FRMPD3: variants seen among roughly 807,000 people sequenced by gnomAD.
The protein encoded by FRMPD3 is FERM and PDZ domain containing 3.
In FRMPD3, 42 loss-of-function variants were observed where a neutral mutation model predicts 97.9. The ratio of observed to expected loss-of-function variants is 0.43; its 90% confidence interval spans 0.34 to 0.55. FRMPD3 has a LOEUF of 0.55. Among genes scored for constraint, FRMPD3 ranks in the 20% least tolerant of loss-of-function variants. FRMPD3 has a pLI of 0.03. For missense variants in FRMPD3, 1,303 were observed against 1,457.7 expected (o/e 0.89, Z 1.73); for synonymous variants, 577 against 581.1 (o/e 0.99, Z 0.10).
At position 107,565,428 on chromosome X, in the gene FRMPD3, T is replaced by C. The variant is rs1167299794; in HGVS notation, c.1296+362T>C. Among the ~76,000 whole-genome samples the C allele has an allele frequency of 3.6e-5, 4 of 111,883 alleles. No homozygotes were observed. In the Admixed American group the frequency reaches 3.8e-4, roughly 11 times the overall value. On this transcript the variant is annotated intron_variant, in intron 12 of 14. Transcript: ENST00000683843. ...TATATTCACAGGCCGGCATGGTGGC[T>C]CATGCCTGTAATCTCATGCTTTGGG...
intron 1 of FRMPD3, among the ~76,000 whole-genome samples, chrX:107,521,207 G>A (rs895163039): frequency 2.7e-5 from 3 of 112,453 alleles, no homozygotes; most frequent in Non-Finnish European, 5.6e-5. Context: ...GAATTTATGT[G>A]TCCACAAAAG....
At chrX:107,499,124 C>G (rs934303461) in intron 1 of FRMPD3, among the ~76,000 whole-genome samples, 16 of 111,406 alleles carry the variant, frequency 1.4e-4, no homozygotes, top group Non-Finnish European at 2.8e-4. Context: ...GACATATGTC[C>G]CACCCTGTCC....
rs761361932 is a variant in FRMPD3, at chrX:107,597,429, C to T, written c.1550C>T (p.Thr517Met). 2.8e-5 allele frequency: 34 copies of T among 1,209,076 alleles called. No individual in the cohort carries two copies. The highest frequency in any genetic ancestry group is 2.0e-4 in the Admixed American group (9 of 45,810). The change falls in exon 14 of 15, where the codon ACG (threonine) becomes ATG (methionine). Residue 517 changes from threonine to methionine, a missense_variant. Thr to Met is a moderately conservative substitution (Grantham distance 81, BLOSUM62 -1). Around this residue, in one of 3 missense-constraint regions of FRMPD3, gnomAD observed 535 missense variants for 618.6 expected, o/e 0.86. Transcript: ENST00000683843. The part of the protein sequence containing the change: ...GTSPRKSSRC[T>M]PPPADSELVS... ...AGCCCCAGGAAATCGAGCCGCTGCA[C>T]GCCCCCACCTGCCGACTCTGAGCTT...
At chrX:107,501,255 G>A (rs1279772496) in intron 1 of FRMPD3, among the ~76,000 whole-genome samples, 1 of 107,765 alleles carries the variant, frequency 9.3e-6, no homozygotes, top group Non-Finnish European at 1.9e-5. Flanking sequence ...GGAAGCTAGG[G>A]CCATAGTTCA....
chrX:107,480,964 C>G (rs764737266), intron 1 of FRMPD3, among the ~76,000 whole-genome samples: 5 of 105,633 alleles, frequency 4.7e-5, no homozygotes, highest in African/African-American at 7.0e-5. Flanking sequence ...AAGAAAGAAA[C>G]AGACATTGCT....
intron 13 of FRMPD3, among the ~76,000 whole-genome samples, chrX:107,593,184 T>C (rs1339260266): frequency 1.8e-5 from 2 of 111,944 alleles, no homozygotes; most frequent in African/African-American, 3.2e-5. Flanking sequence ...CGGCCATTTG[T>C]ATACCTTCTT....
intron 1 of FRMPD3, among the ~76,000 whole-genome samples, chrX:107,471,760 T>TA (rs1291155221): frequency 8.9e-6 from 1 of 112,365 alleles, no homozygotes; most frequent in Non-Finnish European, 1.9e-5. Context: ...GCAATAAACA[T>TA]ACGTGTGCAT....
At chrX:107,588,084 G>T (rs761410768) in intron 13 of FRMPD3, among the ~76,000 whole-genome samples, 2 of 111,375 alleles carry the variant, frequency 1.8e-5, no homozygotes, top group South Asian at 7.6e-4. Flanking sequence ...CTGGCCCCCA[G>T]TCTCTTCTGC....
chrX:107,461,479 C>G lies in FRMPD3; in HGVS notation c.-8+11474C>G, dbSNP rs189607703. ...TCACAGGTGCCCCACGAATCCACCC[C>G]CTCTTGACCATTCCCACAGCCACCA... On this transcript the variant is annotated intron_variant, in intron 1 of 14. Coordinates refer to ENST00000683843, the MANE Select transcript of FRMPD3 (RefSeq NM_001388459.1). Among the ~76,000 whole-genome samples, 46 of 110,890 alleles carry G rather than the reference C, an allele frequency of 4.1e-4. No individual in the cohort carries two copies. The East Asian group carries it at 0.011, about 26-fold the overall frequency.
At chrX:107,600,216 G>A (rs1602869430) in intron 14 of FRMPD3, 87 bp from the exon 15 acceptor site, 3 of 1,086,398 alleles carry the variant, frequency 2.8e-6, no homozygotes, top group East Asian at 3.3e-5. Context: ...AGAGCCAATC[G>A]CCCATGAATA....
intron 12 of FRMPD3, among the ~76,000 whole-genome samples, chrX:107,573,520 C>G (rs1189545290): frequency 9.0e-6 from 1 of 111,712 alleles, no homozygotes; most frequent in Non-Finnish European, 1.9e-5. Flanking sequence ...GAGAAACATT[C>G]ATTAACTGGA....
At chrX:107,575,455 C>T (rs1476237846) in intron 12 of FRMPD3, among the ~76,000 whole-genome samples, 2 of 101,425 alleles carry the variant, frequency 2.0e-5, no homozygotes, top group Non-Finnish European at 4.1e-5. Flanking sequence ...GAGCATGACT[C>T]TTTTTTTTTT....
At chrX:107,475,656 G>A (rs1602753782) in intron 1 of FRMPD3, among the ~76,000 whole-genome samples, 1 of 112,257 alleles carries the variant, frequency 8.9e-6, no homozygotes, top group African/African-American at 3.2e-5. Flanking sequence ...CCAGTGAAAT[G>A]GATTCTGTGT....
chrX:107,465,372 G>A (rs1278870759), intron 1 of FRMPD3, among the ~76,000 whole-genome samples: 2 of 111,307 alleles, frequency 1.8e-5, no homozygotes, highest in Non-Finnish European at 3.8e-5. Flanking sequence ...TCAGGAGGCT[G>A]AGGGAGGAGA....
intron 1 of FRMPD3, among the ~76,000 whole-genome samples, chrX:107,451,891 T>C (rs1198510145): frequency 9.0e-6 from 1 of 111,252 alleles, no homozygotes. Flanking sequence ...GTGACGGCGA[T>C]GGCTTCTACG....
intron 12 of FRMPD3, among the ~76,000 whole-genome samples, chrX:107,571,753 G>A (rs1922897744): frequency 8.9e-6 from 1 of 112,557 alleles, no homozygotes; most frequent in Non-Finnish European, 1.9e-5. Context: ...TCTGTCCTGA[G>A]CTGGCTTGTC....
chrX:107,597,730 C>A lies in FRMPD3; in HGVS notation c.1851C>A (p.Ala617=). 8.3e-7 allele frequency: 1 copy of A among 1,205,292 alleles called. No homozygotes were observed. The highest frequency in any genetic ancestry group is 1.1e-6 in the Non-Finnish European group (1 of 892,485). Residue 617 remains alanine (A), a synonymous_variant, in exon 14 of 15, where the codon GCC becomes GCA. Coordinates refer to ENST00000683843, the MANE Select transcript of FRMPD3 (RefSeq NM_001388459.1). ...ATTTCTACTGTGACTCTTGCAAAGC[C>A]AAACTTCAGGAGCAGCTGGGCCCTC... ...ALNFYCDSCK[A]KLQEQLGPRK...
intron 1 of FRMPD3, among the ~76,000 whole-genome samples, chrX:107,493,348 C>T (rs1182437989): frequency 1.8e-5 from 2 of 110,826 alleles, no homozygotes; most frequent in African/African-American, 6.6e-5. Context: ...AACTCATTTC[C>T]TGGGGCATTT....
chrX:107,545,884 A>G (rs1378374216), intron 5 of FRMPD3, 43 bp downstream of exon 5: 2 of 1,031,944 alleles, frequency 1.9e-6, no homozygotes, highest in Non-Finnish European at 2.7e-6. Context: ...CCTGGCCATA[A>G]TCTGCCTGGC....
Sources: gnomAD v4.1 joint callset for allele counts (sites outside exome capture counted in the v4.1 genomes callset) on GRCh38, gnomAD v4.1.1 for gene constraint, gnomAD v4.1.1 regional missense constraint, MANE v1.5 for transcripts, NCBI Gene and HGNC (gene_info 2026-07-23, HGNC 2026-07-21) for gene names.